Variants in ROBO2 observed in about 807,000 individuals in gnomAD.
The protein encoded by ROBO2 is roundabout guidance receptor 2.
In ROBO2, 53 loss-of-function variants were observed where a neutral mutation model predicts 160.8. The ratio of observed to expected loss-of-function variants is 0.33; its 90% CI spans 0.26 to 0.41. The LOEUF (loss-of-function observed/expected upper bound fraction) is 0.41. Ranked by LOEUF, ROBO2 falls within the 10% of genes least tolerant of loss-of-function variation. The pLI, the probability that ROBO2 is intolerant of heterozygous loss-of-function variation, is 1.00. For missense variants in ROBO2, 1,577 were observed against 1,722.4 expected, an observed-to-expected ratio of 0.92 and a Z score of 1.49; for synonymous variants, 664 against 611.7, an observed-to-expected ratio of 1.09 and a Z score of -1.26.
chr3:76,255,788 A>G (rs945809838), intron 2 of ROBO2, among the ~76,000 whole-genome samples: 1 of 152,070 alleles, frequency 6.6e-6, no homozygotes, highest in African/African-American at 2.4e-5. Context: ...CATGCAGTTA[A>G]AAGCAACTTC....
At chr3:75,906,685 G>A (rs561423944), upstream of ROBO2, 5 of 152,348 alleles carry the variant, frequency 3.3e-5, no homozygotes, top group Admixed American at 1.3e-4. Context: ...AGTAGCACGG[G>A]CAGCTCGCGC....
At chr3:77,396,206 T>C (rs1174419783) in intron 2 of ROBO2, among the ~76,000 whole-genome samples, 1 of 152,094 alleles carries the variant, frequency 6.6e-6, no homozygotes, top group Non-Finnish European at 1.5e-5. Context: ...AAGATTAAGA[T>C]AAATTATGGT....
chr3:76,825,052 C>T (rs995722669), intron 2 of ROBO2, among the ~76,000 whole-genome samples: 7 of 152,304 alleles, frequency 4.6e-5, no homozygotes, highest in African/African-American at 1.7e-4. Flanking sequence ...GTGAGTATGA[C>T]TCAGTGTCTC....
chr3:77,211,912 C>A (rs1338271297), intron 2 of ROBO2, among the ~76,000 whole-genome samples: 3 of 152,132 alleles, frequency 2.0e-5, no homozygotes, highest in African/African-American at 7.2e-5. Context: ...TCTGAGGGCT[C>A]TGTTCTGTTC....
chr3:77,358,141 G>T (rs1355210455), intron 2 of ROBO2, among the ~76,000 whole-genome samples: 1 of 152,158 alleles, frequency 6.6e-6, no homozygotes, highest in Non-Finnish European at 1.5e-5. Flanking sequence ...GTCATAAATT[G>T]TCAGAATAAT....
chr3:77,523,661 C>T (rs983084659), intron 6 of ROBO2, among the ~76,000 whole-genome samples: 1 of 151,338 alleles, frequency 6.6e-6, no homozygotes, highest in Non-Finnish European at 1.5e-5. Flanking sequence ...TTACATAGTT[C>T]AAGGTACCAA....
chr3:76,250,060 C>T (rs1374005756), intron 2 of ROBO2, among the ~76,000 whole-genome samples: 3 of 151,842 alleles, frequency 2.0e-5, no homozygotes, highest in Admixed American at 2.0e-4. Context: ...CTCCTGGGAC[C>T]AATGAATAAT....
chr3:76,535,891 G>A (rs909815474), intron 2 of ROBO2, among the ~76,000 whole-genome samples: 18 of 152,142 alleles, frequency 1.2e-4, no homozygotes, highest in African/African-American at 1.9e-4. Flanking sequence ...GGGGGCTTCC[G>A]AGGTGATTGG....
In ROBO2 at chr3:77,327,928, G is replaced by T. The variant is rs151272414; in HGVS notation, c.389-149486G>T. ...TAGCCAGGCATGGTGATATGCACCTGTAATTCCAGCTACTTGGGAGGCTGA... is the reference window on the plus strand; with the variant it reads ...TAGCCAGGCATGGTGATATGCACCTTTAATTCCAGCTACTTGGGAGGCTGA... On this transcript the variant is annotated intron_variant, in intron 2 of 25. Transcript: ENST00000461745. Among the ~76,000 whole-genome samples, 55 of 151,972 alleles carry T rather than the reference G, an allele frequency of 3.6e-4. 1 individual carries two copies. The highest frequency in any genetic ancestry group is 1.3e-3 in the African/African-American group (52 of 41,466).
At chr3:76,911,715 A>G (rs1577420939) in intron 2 of ROBO2, among the ~76,000 whole-genome samples, 2 of 152,348 alleles carry the variant, frequency 1.3e-5, no homozygotes, top group Admixed American at 1.3e-4. Context: ...TTTCTTAAAT[A>G]CAAATTATTT....
intron 2 of ROBO2, among the ~76,000 whole-genome samples, chr3:77,284,636 G>A (rs1342081988): frequency 1.3e-5 from 2 of 152,086 alleles, no homozygotes; most frequent in Non-Finnish European, 2.9e-5. Flanking sequence ...TATGATCATA[G>A]AATTTGAAGG....
intron 2 of ROBO2, among the ~76,000 whole-genome samples, chr3:76,784,021 AT>A (rs1057006102): frequency 1.8e-4 from 27 of 150,126 alleles, no homozygotes; most frequent in African/African-American, 6.6e-4. Context: ...TCTCTTTTGA[AT>A]TTTTCAGTTG....
chr3:76,608,018 T>C (rs2087792681), intron 2 of ROBO2, among the ~76,000 whole-genome samples: 2 of 152,246 alleles, frequency 1.3e-5, no homozygotes, highest in Non-Finnish European at 2.9e-5. Flanking sequence ...CATGATTTTC[T>C]TTAAAGAGAA....
intron 2 of ROBO2, among the ~76,000 whole-genome samples, chr3:76,080,593 AT>A (rs755436416): frequency 2.0e-5 from 3 of 152,138 alleles, no homozygotes; most frequent in African/African-American, 7.2e-5. Context: ...CTTACAAAGA[AT>A]TTTTTGATCA....
intron 2 of ROBO2, among the ~76,000 whole-genome samples, chr3:77,258,107 A>G (rs9844337): frequency 0.05 from 7,677 of 152,302 alleles, 528 homozygotes; most frequent in African/African-American, 0.15. Context: ...AGTGGGCTGT[A>G]AAGTTTGAAG....
intron 2 of ROBO2, among the ~76,000 whole-genome samples, chr3:76,503,352 C>G (rs144332974): frequency 3.9e-5 from 6 of 152,128 alleles, no homozygotes; most frequent in Admixed American, 3.3e-4. Flanking sequence ...TGGCAACACC[C>G]ACACTGAAAC....
chr3:76,938,744 T>G (rs1341460394), intron 2 of ROBO2, among the ~76,000 whole-genome samples: 4 of 151,660 alleles, frequency 2.6e-5, no homozygotes. Context: ...CCGAGGCGGG[T>G]GGATCCCCTG....
chr3:77,484,508 A>AACACACACACACAC lies in ROBO2; in HGVS notation c.667+3311_667+3324dup, dbSNP rs60959193. Among the ~76,000 whole-genome samples, 210 of 146,822 alleles carry AACACACACACACAC rather than the reference A, an allele frequency of 1.4e-3. 1 individual carries two copies. Among genetic ancestry groups the AACACACACACACAC allele is most frequent in the African/African-American group, 4.8e-3 (190 of 39,872 alleles). On this transcript the variant is annotated intron_variant, in intron 4 of 25. Transcript: ENST00000461745. The stretch of plus-strand genomic sequence containing the variant: ...TACAGGAATCTCTTGCCCCAACACA[A>AACACACACACACAC]ACACACACACACACACACACACACA...
At chr3:76,907,856 T>TGTGTGTGTG (rs2075716891) in intron 2 of ROBO2, among the ~76,000 whole-genome samples, 1 of 72,568 alleles carries the variant, frequency 1.4e-5, no homozygotes, top group African/African-American at 5.6e-5. Flanking sequence ...GTGTGTGTGT[T>TGTGTGTGTG]TGAGATGGAG....
Sources: gnomAD v4.1 joint callset for allele counts (sites outside exome capture counted in the v4.1 genomes callset) on GRCh38, gnomAD v4.1.1 for gene constraint, MANE v1.5 for transcripts, NCBI Gene and HGNC (gene_info 2026-07-23, HGNC 2026-07-21) for gene names.